The following LPA variants were observed in gnomAD, a reference collection of about 807,000 sequenced individuals.
The protein encoded by LPA is apolipoprotein(a).
LPA carries 199 observed loss-of-function variants against 197.9 expected under a neutral mutation model. The ratio of observed to expected loss-of-function variants is 1.01; its 90% CI spans 0.90 to 1.13. LPA has a LOEUF of 1.13. Ranked by LOEUF, LPA falls within the 50% of genes most tolerant of loss-of-function variation. The pLI is 0.00. For missense variants in LPA, 1,853 were observed against 1,785.8 expected (o/e 1.04, Z -0.68); for synonymous variants, 715 against 639.5 (o/e 1.12, Z -1.78).
Position 160,598,915 on chromosome 6 carries a change from C to T in LPA, c.3287+585G>A, listed in dbSNP as rs1779182067. On this transcript the variant is annotated intron_variant, in intron 20 of 38. Transcript: ENST00000316300. Reference sequence around the variant, plus strand: ...TCCAAGGTGAAAAGGTTGTATTAACCCTCAGCCGATGTTGTAGAAGGATAC... The same window carrying T: ...TCCAAGGTGAAAAGGTTGTATTAACTCTCAGCCGATGTTGTAGAAGGATAC... Among the ~76,000 whole-genome samples, 3 of 152,140 alleles carry T rather than the reference C, an allele frequency of 2.0e-5. No individual in the cohort carries two copies. The South Asian group carries it at 6.2e-4, about 32-fold the overall frequency.
intron 26 of LPA, among the ~76,000 whole-genome samples, chr6:160,584,599 T>C (rs1297936536): frequency 6.6e-6 from 1 of 152,100 alleles, no homozygotes; most frequent in Non-Finnish European, 1.5e-5. Flanking sequence ...CCCAAAGTGT[T>C]GGGATCACAG....
chr6:160,547,843 A>G lies in LPA; in HGVS notation c.5250T>C (p.His1750=), dbSNP rs41264850. The G allele has an allele frequency of 1.3e-3, 2,147 of 1,614,132 alleles. 27 individuals carry two copies. The African/African-American group carries it at 0.026, about 19-fold the overall frequency. Residue 1750 remains histidine, a synonymous_variant, in exon 32 of 39, where the codon CAT becomes CAC. Coordinates refer to ENST00000316300, the MANE Select transcript of LPA (RefSeq NM_005577.4). ...PCQEWAAQEP[H]RHSTFIPGTN... Reference sequence around the variant, plus strand: ...TCCCTGGAATGAACGTGCTGTGTCTATGGGGCTCCTGGGCAGCCCATTCCT... The same window carrying G: ...TCCCTGGAATGAACGTGCTGTGTCTGTGGGGCTCCTGGGCAGCCCATTCCT...
intron 22 of LPA, 26 bp from the exon 23 acceptor site, chr6:160,591,127 C>T: frequency 1.2e-6 from 2 of 1,612,536 alleles, no homozygotes; most frequent in Non-Finnish European, 1.7e-6. Context: ...CAATACAGTT[C>T]ACCAGAGATG....
At chr6:160,544,461 C>A (rs985876555) in intron 33 of LPA, among the ~76,000 whole-genome samples, 1 of 152,160 alleles carries the variant, frequency 6.6e-6, no homozygotes, top group Admixed American at 6.5e-5. Flanking sequence ...AGAATCTTTC[C>A]TATCACCCTA....
In LPA at chr6:160,545,487, G is replaced by C. The variant is rs775512879; in HGVS notation, c.5351C>G (p.Thr1784Arg). Residue 1784 changes from threonine to arginine, a missense_variant, in exon 33 of 39, where the codon ACA becomes AGA. Around this residue, in one of 3 missense-constraint regions of LPA, gnomAD observed 1,737 missense variants for 1,504.4 expected, o/e 1.15. Transcript: ENST00000316300. Reference protein sequence around the residue: ...DGDINGPWCYTMNPRKLFDYC... With the variant: ...DGDINGPWCYRMNPRKLFDYC... ...GTCAAAAAGTTTTCTTGGATTCATT[G>C]TGTAGCACCAGGGACCATTGATGTC... 5.0e-6 allele frequency: 8 copies of C among 1,613,206 alleles called. No individual in the cohort carries two copies. In the South Asian group the frequency reaches 6.6e-5, roughly 13 times the overall value.
intron 25 of LPA, 73 bp downstream of exon 25, chr6:160,586,376 G>A (rs1583598547): frequency 1.3e-6 from 2 of 1,557,094 alleles, no homozygotes; most frequent in East Asian, 2.3e-5. Flanking sequence ...GAAGTTTTCT[G>A]CATCACAAAG....
chr6:160,561,424 A>G (rs1319110503), intron 28 of LPA, among the ~76,000 whole-genome samples: 1 of 152,172 alleles, frequency 6.6e-6, no homozygotes, highest in African/African-American at 2.4e-5. Context: ...CTATTGGTCT[A>G]TATATCTGTT....
rs1778097669 is a variant in LPA at position 160,547,842 on chromosome 6, T to C, written c.5251A>G (p.Arg1751Gly). ...CQEWAAQEPH[R>G]HSTFIPGTNK... ...GTCCCTGGAATGAACGTGCTGTGTC[T>C]ATGGGGCTCCTGGGCAGCCCATTCC... The change falls in exon 32 of 39, where the codon AGA (arginine) becomes GGA (glycine). Residue 1751 changes from arginine to glycine, a missense_variant. Coordinates refer to ENST00000316300, the MANE Select transcript of LPA (RefSeq NM_005577.4). 1.9e-6 allele frequency: 3 copies of C among 1,614,126 alleles called. No homozygotes were observed. The highest frequency in any genetic ancestry group is 3.3e-4 in the Middle Eastern group (2 of 6,062).
In LPA at chr6:160,542,625, T is replaced by C. The variant is rs540145059; in HGVS notation, c.5519+63A>G. ...CAGCTGTGTGGGTTCTGTGTAAATG[T>C]AGAAGGGTTTTGTGGGGCTTACATG... is the stretch of plus-strand genomic sequence containing the variant. On this transcript the variant is annotated intron_variant, in intron 34 of 38. Transcript: ENST00000316300. The C allele has an allele frequency of 6.9e-5, 111 of 1,609,146 alleles. 2 individuals are homozygous for C. In the South Asian group the frequency reaches 1.1e-3, roughly 16 times the overall value.
chr6:160,571,061 A>G (rs189132280), intron 28 of LPA, among the ~76,000 whole-genome samples: 304 of 152,242 alleles, frequency 2.0e-3, no homozygotes, highest in Non-Finnish European at 3.4e-3. Flanking sequence ...GGATTTGTTC[A>G]TTCCTTTTCA....
At chr6:160,547,763 A>G (rs767240806) in intron 32 of LPA, 26 bp downstream of exon 32, 2 of 1,613,962 alleles carry the variant, frequency 1.2e-6, no homozygotes, top group African/African-American at 1.3e-5. Context: ...GCAAAGGGAA[A>G]AAGAGTCCAA....
intron 23 of LPA, among the ~76,000 whole-genome samples, chr6:160,590,062 C>G (rs1465007917): frequency 2.0e-5 from 3 of 152,172 alleles, no homozygotes; most frequent in Non-Finnish European, 4.4e-5. Flanking sequence ...GCGGTGCAGG[C>G]TGTAGGTGGT....
rs199808847 is a variant in LPA at position 160,595,317 on chromosome 6, G to A, written c.3469+37C>T. ...ATTTTGCAACTCTTTTCATCCCAAC[G>A]TCCTAGGGTGTGGTTGTCTGGCCAT... On this transcript the variant is annotated intron_variant, in intron 21 of 38. Coordinates refer to ENST00000316300, the MANE Select transcript of LPA (RefSeq NM_005577.4). The A allele has an allele frequency of 1.4e-4, 231 of 1,608,324 alleles. No individual in the cohort carries two copies. In the East Asian group the frequency reaches 1.4e-3, roughly 10 times the overall value.
At chr6:160,598,342 G>C (rs1779171974) in intron 20 of LPA, among the ~76,000 whole-genome samples, 1 of 152,132 alleles carries the variant, frequency 6.6e-6, no homozygotes, top group South Asian at 2.1e-4. Context: ...AGCATGGCTA[G>C]AAAATCCTAA....
At chr6:160,592,578 A>G (rs1326395821) in intron 22 of LPA, among the ~76,000 whole-genome samples, 1 of 152,016 alleles carries the variant, frequency 6.6e-6, no homozygotes, top group East Asian at 1.9e-4. Context: ...CACAGTGAAA[A>G]CTTCTTTTGT....
intron 22 of LPA, among the ~76,000 whole-genome samples, chr6:160,592,961 C>A (rs1274907558): frequency 1.3e-5 from 2 of 152,170 alleles, no homozygotes; most frequent in African/African-American, 2.4e-5. Context: ...GTTCTTTCCC[C>A]AGTAGCTTTT....
At chr6:160,549,921 T>C (rs1478461949) in intron 30 of LPA, among the ~76,000 whole-genome samples, 1 of 152,094 alleles carries the variant, frequency 6.6e-6, no homozygotes, top group African/African-American at 2.4e-5. Flanking sequence ...AGAAAAACAA[T>C]TGAGTAAGTG....
chr6:160,547,695 C>T (rs1241648987), intron 32 of LPA, 94 bp downstream of exon 32: 3 of 1,563,540 alleles, frequency 1.9e-6, no homozygotes, highest in South Asian at 2.2e-5. Flanking sequence ...TACGCTTAGC[C>T]TCCTGAAGTC....
chr6:160,648,528 G>C (rs1419935203), intron 2 of LPA, among the ~76,000 whole-genome samples: 1 of 151,772 alleles, frequency 6.6e-6, no homozygotes, highest in East Asian at 1.9e-4. Context: ...TGTGTGGCTC[G>C]GTTGATTTCA....
Sources: allele counts gnomAD v4.1 joint callset (sites outside exome capture counted in the v4.1 genomes callset), GRCh38; gene constraint gnomAD v4.1.1; regional missense constraint gnomAD v4.1.1; transcripts MANE v1.5; gene names NCBI Gene and HGNC (gene_info 2026-07-23, HGNC 2026-07-21).